Variants in LTBR observed in about 807,000 individuals in gnomAD.
LTBR encodes the protein lymphotoxin beta receptor.
Under a neutral mutation model 45.4 loss-of-function variants are expected in LTBR, and 15 were observed. That is an observed-to-expected ratio of 0.33 (90% CI 0.22 to 0.51). LTBR has a LOEUF of 0.51. Ranked by LOEUF, LTBR falls within the 20% of genes least tolerant of loss-of-function variation. LTBR has a pLI of 0.97. For synonymous variants in LTBR, 228 were observed against 231.0 expected, an observed-to-expected ratio of 0.99 and a Z score of 0.12; for missense variants, 450 against 565.5, an observed-to-expected ratio of 0.80 and a Z score of 2.07.
chr12:6,378,105 G>A (rs1390095800), intron 1 of LTBR, among the ~76,000 whole-genome samples: 1 of 152,178 alleles, frequency 6.6e-6, no homozygotes, highest in Non-Finnish European at 1.5e-5. Flanking sequence ...AGTATATAGA[G>A]CTTCCCTTAG....
At chr12:6,383,722 A>G (rs540423711), upstream of LTBR, among the ~76,000 whole-genome samples, 19 of 152,182 alleles carry the variant, frequency 1.2e-4, no homozygotes, top group Non-Finnish European at 2.5e-4. Context: ...AGGGCAGGAC[A>G]ACGGGGGAGG....
Position 6,384,318 on chromosome 12 carries a change from C to A in LTBR, c.-41C>A. 1.4e-6 allele frequency: 2 copies of A among 1,450,656 alleles called. No homozygotes were observed. Among genetic ancestry groups the A allele is most frequent in the Middle Eastern group, 2.5e-4 (1 of 3,984 alleles). 89.9% of individuals were successfully genotyped at this position (1,450,656 alleles called of 1,614,324 possible). ...GGACGTCGGGCCTCCTGCCTTCCTCCCAGGCCCCCACGTTGCTGGCCGCCT... is the reference window on the plus strand; with the variant it reads ...GGACGTCGGGCCTCCTGCCTTCCTCACAGGCCCCCACGTTGCTGGCCGCCT... On this transcript the variant is annotated 5_prime_UTR_variant, in exon 1 of 10. Coordinates refer to ENST00000228918, the MANE Select transcript of LTBR (RefSeq NM_002342.3).
rs1186871945 is a variant in LTBR, at chr12:6,390,230, G to C, written c.920G>C (p.Gly307Ala). The C allele has an allele frequency of 1.1e-5, 17 of 1,613,908 alleles. No homozygotes were observed. Among genetic ancestry groups the C allele is most frequent in the Non-Finnish European group, 1.4e-5 (16 of 1,180,020 alleles). ...GGAGATGTTTCCCCAGTATCCACTG[G>C]GCTCCCCGCAGCCCCAGTTTTGGAG... ...ISGDVSPVST[G>A]LPAAPVLEAG... Residue 307 changes from glycine (G) to alanine (A), a missense_variant, in exon 9 of 10, where the codon GGG becomes GCG. Around this residue, in one of 3 missense-constraint regions of LTBR, gnomAD observed 367 missense variants for 435.4 expected, o/e 0.84. Coordinates refer to ENST00000228918, the MANE Select transcript of LTBR (RefSeq NM_002342.3).
chr12:6,381,049 C>T (rs1367212971), upstream of LTBR, among the ~76,000 whole-genome samples: 11 of 152,126 alleles, frequency 7.2e-5, no homozygotes, highest in Non-Finnish European at 1.5e-4. Context: ...ATTTGTCTTT[C>T]GTGATCCAGC....
rs1949106195 is a variant in LTBR, at chr12:6,390,910, A to G, written c.1281A>G (p.Pro427=). 2 of 1,581,552 alleles carry G rather than the reference A, an allele frequency of 1.3e-6. No homozygotes were observed. Among genetic ancestry groups the G allele is most frequent in the South Asian group, 1.2e-5 (1 of 84,682 alleles). The part of the protein sequence containing the change: ...HCGATPSNRG[P]RNQFITHD ...GTGCCACACCCTCTAACAGGGGCCCAAGGAACCAATTTATCACCCATGACT... is the reference window on the plus strand; with the variant it reads ...GTGCCACACCCTCTAACAGGGGCCCGAGGAACCAATTTATCACCCATGACT... The change falls in exon 10 of 10, where the codon CCA becomes CCG. Residue 427 remains proline (P), a synonymous_variant. Coordinates refer to ENST00000228918, the MANE Select transcript of LTBR (RefSeq NM_002342.3).
In LTBR at chr12:6,388,733, G is replaced by A; in HGVS notation, c.776-67G>A. Reference sequence around the variant, plus strand: ...AAGTTGCTACACATTGTGCTGGGATGTGGAGGCTGAAAGGCTAGGTCTGAG... The same window carrying A: ...AAGTTGCTACACATTGTGCTGGGATATGGAGGCTGAAAGGCTAGGTCTGAG... On this transcript the variant is annotated intron_variant, in intron 7 of 9. Transcript: ENST00000228918. The surrounding 1 kb of genome is among the most constrained non-coding windows in gnomAD (Gnocchi z 4.3). 1.3e-6 allele frequency: 2 copies of A among 1,598,686 alleles called. No individual in the cohort carries two copies. The highest frequency in any genetic ancestry group is 1.7e-6 in the Non-Finnish European group (2 of 1,166,488).
Position 6,384,263 on chromosome 12 carries a change from G to A in LTBR, c.-96G>A. The A allele has an allele frequency of 7.1e-7, 1 of 1,418,204 alleles. No individual in the cohort carries two copies. Among genetic ancestry groups the A allele is most frequent in the Non-Finnish European group, 9.2e-7 (1 of 1,091,562 alleles). The allele number at this position is 1,418,204 out of a possible 1,614,324, so 87.9% of individuals were successfully genotyped here. A position where few individuals can be genotyped will look rare whatever the true frequency, so the allele number is the denominator to read the frequency against. ...GCCCTGAGTCCCGTCCCAGGCTCTG[G>A]GCTCGGGCAGCCGCCGCCACCGCTG... On this transcript the variant is annotated 5_prime_UTR_variant, in exon 1 of 10. Coordinates refer to ENST00000228918, the MANE Select transcript of LTBR (RefSeq NM_002342.3).
intron 8 of LTBR, chr12:6,389,879 C>T (rs1949090846): frequency 3.9e-6 from 2 of 509,624 alleles, no homozygotes; most frequent in South Asian, 5.9e-5. Context: ...CACTTGAGTC[C>T]AAGAGTTCAT....
chr12:6,380,210 G>A (rs986323897), upstream of LTBR, among the ~76,000 whole-genome samples: 3 of 130,880 alleles, frequency 2.3e-5, no homozygotes, highest in Non-Finnish European at 4.6e-5. Context: ...GGGGGGCAAA[G>A]TCACCCCCGT....
upstream of LTBR, chr12:6,384,021 C>T: frequency 8.5e-7 from 1 of 1,172,008 alleles, no homozygotes; most frequent in Non-Finnish European, 1.1e-6. Flanking sequence ...TCCGGCCCCG[C>T]GGCCCTCACG....
chr12:6,376,836 C>A (rs72645152), intron 1 of LTBR, among the ~76,000 whole-genome samples: 91 of 152,322 alleles, frequency 6.0e-4, no homozygotes, highest in Admixed American at 3.3e-3. Context: ...TCCTGCCTCC[C>A]TCCACAAGCC....
In LTBR at chr12:6,386,314, G is replaced by A. The variant is rs763445353; in HGVS notation, c.570-33G>A. 1.2e-5 allele frequency: 19 copies of A among 1,586,964 alleles called. No homozygotes were observed. The highest frequency in any genetic ancestry group is 6.7e-5 in the Admixed American group (4 of 59,652). ...AGTCGGGACACTGGTGGGCCAGGGC[G>A]TGAAAAGGTCATCATCTTTTTTTCC... is the stretch of plus-strand genomic sequence containing the variant. On this transcript the variant is annotated intron_variant, in intron 5 of 9. Coordinates refer to ENST00000228918, the MANE Select transcript of LTBR (RefSeq NM_002342.3). This position sits in a 1 kb window ranked among gnomAD's most constrained non-coding sequence, Gnocchi z 4.1.
chr12:6,376,217 C>T (rs1017321812), intron 1 of LTBR: 1 of 982,716 alleles, frequency 1.0e-6, no homozygotes, highest in African/African-American at 1.7e-5. Context: ...CGTCTGCCTC[C>T]TCCTGGTCCC....
intron 2 of LTBR, 103 bp from the exon 3 acceptor site, chr12:6,384,919 G>A: frequency 6.8e-7 from 1 of 1,476,882 alleles, no homozygotes; most frequent in East Asian, 2.3e-5. Context: ...AGGATGATGG[G>A]GGGCCAGAGA....
rs1948906031 is a variant in LTBR at position 6,376,214 on chromosome 12, C to A, written c.39+620C>A. On this transcript the variant is annotated intron_variant, in intron 1 of 9. Transcript: ENST00000539925. ...GCGCACTCAGGTGGGATGCGTCTGC[C>A]TCCTCCTGGTCCCTCCTCTTTCCTG... 5.1e-6 allele frequency: 5 copies of A among 983,546 alleles called. No homozygotes were observed. The South Asian group carries it at 2.4e-4, about 46-fold the overall frequency. The allele number at this position is 983,546 out of a possible 1,614,324, so 60.9% of individuals were successfully genotyped here. A position where few individuals can be genotyped will look rare whatever the true frequency, so the allele number is the denominator to read the frequency against.
intron 4 of LTBR, 166 bp downstream of exon 4, chr12:6,385,545 A>G: frequency 1.2e-6 from 1 of 832,118 alleles, no homozygotes; most frequent in Non-Finnish European, 1.8e-6. Flanking sequence ...CTGGAGGGAC[A>G]TGGAACTGGG....
chr12:6,385,169 G>A lies in LTBR; in HGVS notation c.319+22G>A, dbSNP rs771515918. On this transcript the variant is annotated intron_variant, in intron 3 of 9. Transcript: ENST00000228918. Reference sequence around the variant, plus strand: ...CCAGGTGAGTGGGGATGTGCCTGCGGGGGGGCTGGATCCCCTGGAGCTTGG... The same window carrying A: ...CCAGGTGAGTGGGGATGTGCCTGCGAGGGGGCTGGATCCCCTGGAGCTTGG... 3 of 1,613,868 alleles carry A rather than the reference G, an allele frequency of 1.9e-6. No individual in the cohort carries two copies. In the Admixed American group the frequency reaches 5.0e-5, roughly 27 times the overall value.
At chr12:6,382,484 G>A (rs377139713), upstream of LTBR, among the ~76,000 whole-genome samples, 6 of 152,298 alleles carry the variant, frequency 3.9e-5, no homozygotes, top group South Asian at 2.1e-4. Context: ...ATTCCTTTAC[G>A]CGTTTAAGAG....
intron 6 of LTBR, chr12:6,387,377 C>A (rs1949061733): frequency 6.6e-6 from 1 of 152,190 alleles, no homozygotes; most frequent in South Asian, 2.1e-4. Flanking sequence ...AAGTATTTTT[C>A]TGTGCCCTGT....
Sources: gnomAD v4.1 joint callset for allele counts (sites outside exome capture counted in the v4.1 genomes callset) on GRCh38, gnomAD v4.1.1 for gene constraint, gnomAD v4.1.1 regional missense constraint, Gnocchi (gnomAD v3.1) non-coding constraint, MANE v1.5 for transcripts, NCBI Gene and HGNC (gene_info 2026-07-23, HGNC 2026-07-21) for gene names.